CTNNA2: variants seen among roughly 807,000 people sequenced by gnomAD.
CTNNA2 encodes the protein catenin alpha 2.
In CTNNA2, 42 loss-of-function variants were observed where a neutral mutation model predicts 101.0. That is an observed-to-expected ratio of 0.42 (90% CI 0.32 to 0.54). The LOEUF (loss-of-function observed/expected upper bound fraction) is 0.54, where lower values mean the gene tolerates loss of function less well. CTNNA2 is among the 20% of genes least tolerant of loss of function. The pLI is 0.14. For missense variants in CTNNA2, 871 were observed against 1,223.1 expected, an observed-to-expected ratio of 0.71 and a Z score of 4.29; for synonymous variants, 450 against 456.4, an observed-to-expected ratio of 0.99 and a Z score of 0.18.
chr2:80,330,825 G>C (rs753072767), intron 7 of CTNNA2, among the ~76,000 whole-genome samples: 116 of 152,130 alleles, frequency 7.6e-4, no homozygotes, highest in Non-Finnish European at 1.1e-3. Flanking sequence ...ATTTTCCCCC[G>C]GGGTCAGTAA....
chr2:80,379,572 A>G (rs1303097500), intron 7 of CTNNA2, among the ~76,000 whole-genome samples: 2 of 152,094 alleles, frequency 1.3e-5, no homozygotes, highest in African/African-American at 4.8e-5. Flanking sequence ...TTTCAGGTGT[A>G]CTTCCAGTAA....
intron 2 of CTNNA2, among the ~76,000 whole-genome samples, chr2:79,682,105 T>G (rs1683600860): frequency 4.6e-5 from 7 of 152,050 alleles, no homozygotes; most frequent in Admixed American, 4.6e-4. Context: ...TACCTAAGAA[T>G]TTGCTTGAAA....
At chr2:80,345,201 G>T (rs916138037) in intron 7 of CTNNA2, among the ~76,000 whole-genome samples, 1 of 152,158 alleles carries the variant, frequency 6.6e-6, no homozygotes, top group Non-Finnish European at 1.5e-5. Context: ...TGCCACATCT[G>T]TGGCCCCCTC....
At chr2:80,141,676 A>G (rs942874408) in intron 7 of CTNNA2, among the ~76,000 whole-genome samples, 3 of 152,050 alleles carry the variant, frequency 2.0e-5, no homozygotes, top group Non-Finnish European at 4.4e-5. Flanking sequence ...AGGGGTCTGC[A>G]AGGCCCAAAG....
chr2:79,718,772 T>C (rs1024756359), intron 2 of CTNNA2, among the ~76,000 whole-genome samples: 1 of 151,930 alleles, frequency 6.6e-6, no homozygotes, highest in African/African-American at 2.4e-5. Context: ...ATGCTTTCAA[T>C]AGGAGAGTTG....
At chr2:79,210,731 CT>C (rs1330068529) in intron 2 of CTNNA2, among the ~76,000 whole-genome samples, 1 of 152,118 alleles carries the variant, frequency 6.6e-6, no homozygotes, top group Non-Finnish European at 1.5e-5. Flanking sequence ...CTCCAGATAC[CT>C]CCTGCTGCTG....
At chr2:79,657,695 T>C (rs907996629) in intron 2 of CTNNA2, among the ~76,000 whole-genome samples, 7 of 151,752 alleles carry the variant, frequency 4.6e-5, no homozygotes, top group African/African-American at 1.7e-4. Flanking sequence ...CTACCTAAGC[T>C]ATTAGTAAAT....
At position 80,267,155 on chromosome 2, in the gene CTNNA2, C is replaced by G. The variant is rs926904175; in HGVS notation, c.1057-126056C>G. Among the ~76,000 whole-genome samples, 7 of 152,250 alleles carry G rather than the reference C, an allele frequency of 4.6e-5. No homozygotes were observed. The South Asian group carries it at 6.2e-4, about 14-fold the overall frequency. On this transcript the variant is annotated intron_variant, in intron 7 of 18. Transcript: ENST00000402739. ...CTTTCACTCACATTCATGGACTGCT[C>G]CTTCCGATGGCTTCCTCTCCCTCTC...
chr2:79,215,493 T>C (rs947579907), intron 2 of CTNNA2, among the ~76,000 whole-genome samples: 24 of 152,160 alleles, frequency 1.6e-4, no homozygotes, highest in Non-Finnish European at 3.1e-4. Flanking sequence ...GTTTGAGGGC[T>C]GGAATTTAAT....
chr2:79,703,483 A>G (rs576653947), intron 2 of CTNNA2, among the ~76,000 whole-genome samples: 1 of 152,280 alleles, frequency 6.6e-6, no homozygotes, highest in South Asian at 2.1e-4. Context: ...CTGGGTCTCC[A>G]TAGATAGAGA....
chr2:79,376,328 C>T (rs1229991948), intron 4 of CTNNA2, among the ~76,000 whole-genome samples: 1 of 152,072 alleles, frequency 6.6e-6, no homozygotes, highest in Non-Finnish European at 1.5e-5. Flanking sequence ...CAACTGATTT[C>T]CAGTTCTAAG....
chr2:79,904,530 A>G (rs750444330), intron 6 of CTNNA2, among the ~76,000 whole-genome samples: 1 of 152,218 alleles, frequency 6.6e-6, no homozygotes, highest in East Asian at 1.9e-4. Context: ...AATGTGGACA[A>G]TCTTATACAG....
At chr2:80,090,513 C>G (rs1348593814) in intron 7 of CTNNA2, among the ~76,000 whole-genome samples, 1 of 152,052 alleles carries the variant, frequency 6.6e-6, no homozygotes, top group Non-Finnish European at 1.5e-5. Context: ...TTCTTAGCTT[C>G]AGAGCATGAG....
chr2:79,791,892 C>G (rs1181202190), intron 3 of CTNNA2, among the ~76,000 whole-genome samples: 1 of 152,188 alleles, frequency 6.6e-6, no homozygotes, highest in Non-Finnish European at 1.5e-5. Context: ...CTACCAGAAT[C>G]TCTACCTTAG....
intron 4 of CTNNA2, among the ~76,000 whole-genome samples, chr2:79,463,395 CA>C (rs10546803): frequency 0.36 from 41,799 of 117,658 alleles, 5,989 homozygotes; most frequent in East Asian, 0.46. Context: ...GAGACTGTCT[CA>C]AAAAAAAAAA....
At chr2:80,421,379 A>G (rs562462922) in intron 9 of CTNNA2, among the ~76,000 whole-genome samples, 1 of 152,222 alleles carries the variant, frequency 6.6e-6, no homozygotes, top group African/African-American at 2.4e-5. Context: ...TTTCAGTCCT[A>G]TTAGTGCCTT....
intron 4 of CTNNA2, among the ~76,000 whole-genome samples, chr2:79,413,206 T>C (rs958542310): frequency 6.6e-6 from 1 of 151,946 alleles, no homozygotes; most frequent in African/African-American, 2.4e-5. Context: ...TGGGAAAAAA[T>C]GGAAAATCTG....
intron 3 of CTNNA2, among the ~76,000 whole-genome samples, chr2:79,338,666 G>T (rs780722883): frequency 1.5e-5 from 2 of 135,332 alleles, no homozygotes; most frequent in Non-Finnish European, 3.2e-5. Flanking sequence ...GGCTGCTCTG[G>T]ATTATTTGGT....
chr2:80,335,743 T>G (rs773787658), intron 7 of CTNNA2, among the ~76,000 whole-genome samples: 15 of 152,214 alleles, frequency 9.9e-5, no homozygotes, highest in Non-Finnish European at 1.8e-4. Context: ...CTTTAGACTA[T>G]ATAAATTCCA....
Sources: allele counts gnomAD v4.1 joint callset (sites outside exome capture counted in the v4.1 genomes callset), GRCh38; gene constraint gnomAD v4.1.1; transcripts MANE v1.5; gene names NCBI Gene and HGNC (gene_info 2026-07-23, HGNC 2026-07-21).